Variants in CUX1 observed in about 807,000 individuals in gnomAD.
CUX1 encodes cut like homeobox 1, also known as protein CASP.
CUX1 carries 31 observed loss-of-function variants against 158.8 expected under a neutral mutation model. The observed-to-expected ratio is 0.20, with a 90% confidence interval of 0.15 to 0.26. The LOEUF is 0.26. CUX1 is among the 10% of genes least tolerant of loss of function. CUX1 has a pLI of 1.00. For missense variants in CUX1, 1,589 were observed against 2,014.6 expected (o/e 0.79, Z 4.04); for synonymous variants, 879 against 862.1 (o/e 1.02, Z -0.34).
intron 2 of CUX1, among the ~76,000 whole-genome samples, chr7:101,994,538 C>T (rs1477211992): frequency 6.6e-6 from 1 of 152,130 alleles, no homozygotes; most frequent in Non-Finnish European, 1.5e-5. Context: ...GAGGTGGAGG[C>T]CGCAGTGAGC....
upstream of CUX1, chr7:101,817,309 CG>C (rs1791956108): frequency 3.0e-6 from 3 of 984,586 alleles, no homozygotes. The surrounding 1 kb of genome is among the most constrained non-coding windows in gnomAD (Gnocchi z 4.1). Flanking sequence ...TGCGTCCCCT[CG>C]GGGCTTCTGC....
In CUX1 at chr7:101,889,896, ACT is replaced by A. The variant is rs151010414; in HGVS notation, c.31-26213_31-26212del. On this transcript the variant is annotated intron_variant, in intron 1 of 23. Transcript: ENST00000292535. ...TACAAGTCGCTTGTAGGGTGTTGAAACTCTCTCGCGATCCCAGTGACTTGAGA... is the reference window on the plus strand; with the variant it reads ...TACAAGTCGCTTGTAGGGTGTTGAAACTCTCGCGATCCCAGTGACTTGAGA... Among the ~76,000 whole-genome samples, 864 of 151,954 alleles carry A rather than the reference ACT, an allele frequency of 5.7e-3. 10 individuals are homozygous for A. The highest frequency in any genetic ancestry group is 0.02 in the African/African-American group (826 of 41,420).
intron 20 of CUX1, among the ~76,000 whole-genome samples, chr7:102,211,400 A>G (rs931158326): frequency 6.6e-6 from 1 of 152,078 alleles, no homozygotes; most frequent in Admixed American, 6.5e-5. Flanking sequence ...GAGCAATGAT[A>G]GCATCACTGC....
At chr7:101,828,457 ACT>A (rs1374866533) in intron 1 of CUX1, among the ~76,000 whole-genome samples, 2 of 152,078 alleles carry the variant, frequency 1.3e-5, no homozygotes, top group Non-Finnish European at 2.9e-5. Context: ...GGTCTGTTTG[ACT>A]CTGCTGACAG....
intron 8 of CUX1, among the ~76,000 whole-genome samples, chr7:102,133,816 G>A (rs1833604460): frequency 6.6e-6 from 1 of 152,176 alleles, no homozygotes. Flanking sequence ...TAACTGCAAT[G>A]TAGCATTTCC....
intron 9 of CUX1, among the ~76,000 whole-genome samples, chr7:102,158,904 C>T (rs528207558): frequency 1.8e-4 from 27 of 152,350 alleles, no homozygotes; most frequent in African/African-American, 6.5e-4. Flanking sequence ...TCTAAACACC[C>T]GTCTTTGTAG....
intron 1 of CUX1, among the ~76,000 whole-genome samples, chr7:101,865,537 G>A (rs150257971): frequency 5.2e-4 from 79 of 152,290 alleles, no homozygotes; most frequent in East Asian, 4.2e-3. Flanking sequence ...CTACTTTAGC[G>A]TATTGTTGTC....
chr7:102,268,246 A>C (rs1790949649), intron 14 of CUX1, among the ~76,000 whole-genome samples: 1 of 150,584 alleles, frequency 6.6e-6, no homozygotes, highest in Non-Finnish European at 1.5e-5. Flanking sequence ...CATTCCACAC[A>C]CTCTATGCTT....
At chr7:102,138,735 C>T (rs1370190917) in intron 8 of CUX1, among the ~76,000 whole-genome samples, 3 of 152,134 alleles carry the variant, frequency 2.0e-5, no homozygotes, top group African/African-American at 4.8e-5. Context: ...GGATTTTCAA[C>T]GATCGTCTAC....
intron 11 of CUX1, among the ~76,000 whole-genome samples, chr7:102,182,112 G>A (rs1441546235): frequency 2.0e-5 from 3 of 152,208 alleles, no homozygotes; most frequent in African/African-American, 7.2e-5. Flanking sequence ...TCAGGTTGCT[G>A]TTTGGGAGAG....
intron 6 of CUX1, among the ~76,000 whole-genome samples, chr7:102,104,989 C>T (rs558224782): frequency 6.6e-6 from 1 of 152,314 alleles, no homozygotes; most frequent in African/African-American, 2.4e-5. Flanking sequence ...GGGCCCAAGA[C>T]TATCCAAGCC....
In CUX1 at chr7:102,176,769, C is replaced by T. The variant is rs533801648; in HGVS notation, c.829-1700C>T. On this transcript the variant is annotated intron_variant, in intron 10 of 23. Coordinates refer to ENST00000292535, the MANE Select transcript of CUX1 (RefSeq NM_181552.4). ...GTATTTTTTTGTAGAGATGGGTTTT[C>T]GCCATGTGGCCCAAGCTGGTCTCGA... Among the ~76,000 whole-genome samples the T allele has an allele frequency of 1.7e-3, 261 of 151,606 alleles. 1 individual carries two copies. The highest frequency in any genetic ancestry group is 5.9e-3 in the African/African-American group (246 of 41,400).
rs1789830195 is a variant in CUX1 at position 102,255,804 on chromosome 7, T to C, written c.*6762T>C. 1 of 984,970 alleles carries C rather than the reference T, an allele frequency of 1.0e-6. No homozygotes were observed. The highest frequency in any genetic ancestry group is 1.2e-6 in the Non-Finnish European group (1 of 829,558). 61.0% of individuals were successfully genotyped at this position (984,970 alleles called of 1,614,324 possible). A position where few individuals can be genotyped will look rare whatever the true frequency, so the allele number is the denominator to read the frequency against. Reference sequence around the variant, plus strand: ...CTGCTTTTGTTTTATAATTCTTTTTTCCCCCCTTTTCCTTCTTCTTTTTTA... The same window carrying C: ...CTGCTTTTGTTTTATAATTCTTTTTCCCCCCCTTTTCCTTCTTCTTTTTTA... On this transcript the variant is annotated 3_prime_UTR_variant, in exon 24 of 24. Coordinates refer to ENST00000292535, the MANE Select transcript of CUX1 (RefSeq NM_181552.4).
chr7:102,170,450 C>G lies in CUX1; in HGVS notation c.728C>G (p.Ala243Gly), dbSNP rs782373542. The change falls in exon 10 of 24, where the codon GCA becomes GGA. Residue 243 changes from alanine to glycine, a missense_variant. Coordinates refer to ENST00000292535, the MANE Select transcript of CUX1 (RefSeq NM_181552.4). ...MTDLERANQR[A>G]EVAQREAETL... is the part of the protein sequence containing the mutation. ...ACCCCTTTTCATTTCCTTCAGAGGG[C>G]AGAGGTGGCTCAGAGAGAGGCGGAG... The G allele has an allele frequency of 6.3e-7, 1 of 1,582,208 alleles. No homozygotes were observed. Among genetic ancestry groups the G allele is most frequent in the Admixed American group, 1.8e-5 (1 of 56,316 alleles).
chr7:102,217,875 C>T (rs191667642), intron 20 of CUX1, among the ~76,000 whole-genome samples: 162 of 135,756 alleles, frequency 1.2e-3, no homozygotes, highest in African/African-American at 5.2e-3. Context: ...TGGATGGATG[C>T]GATGGTGTCT....
At chr7:101,852,409 G>C (rs1195996867) in intron 1 of CUX1, among the ~76,000 whole-genome samples, 1 of 151,750 alleles carries the variant, frequency 6.6e-6, no homozygotes, top group East Asian at 2.0e-4. Flanking sequence ...CTTGAGCCCA[G>C]GAGTTTGAGA....
At chr7:101,838,128 A>ATT (rs200864189) in intron 1 of CUX1, among the ~76,000 whole-genome samples, 2 of 135,664 alleles carry the variant, frequency 1.5e-5, no homozygotes, top group African/African-American at 2.7e-5. Flanking sequence ...CACTCGTCAC[A>ATT]TTTTTTTTTT....
intron 1 of CUX1, among the ~76,000 whole-genome samples, chr7:101,836,675 A>T (rs925706447): frequency 2.0e-4 from 21 of 106,496 alleles, no homozygotes; most frequent in Admixed American, 8.1e-4. Context: ...GAGCAGCGAG[A>T]CTCCTTCTCA....
intron 20 of CUX1, among the ~76,000 whole-genome samples, chr7:102,214,844 C>T (rs1313794912): frequency 6.6e-6 from 1 of 152,242 alleles, no homozygotes; most frequent in Non-Finnish European, 1.5e-5. Context: ...CCTTTGGAAC[C>T]GGATTCCTAA....
Sources: gnomAD v4.1 joint callset for allele counts (sites outside exome capture counted in the v4.1 genomes callset) on GRCh38, gnomAD v4.1.1 for gene constraint, Gnocchi (gnomAD v3.1) non-coding constraint, MANE v1.5 for transcripts, NCBI Gene and HGNC (gene_info 2026-07-23, HGNC 2026-07-21) for gene names.